RPGRIP1L: variants seen among roughly 807,000 people sequenced by gnomAD.
RPGRIP1L encodes protein fantom.
In RPGRIP1L, 131 loss-of-function variants were observed where a neutral mutation model predicts 160.4. The observed-to-expected ratio is 0.82, with a 90% CI of 0.71 to 0.94. RPGRIP1L has a LOEUF of 0.94. RPGRIP1L is among the 40% of genes least tolerant of loss of function. The probability of loss-of-function intolerance (pLI) is 0.00; values close to 1 mark genes in which losing one functional copy is unlikely to be tolerated. For synonymous variants in RPGRIP1L, 510 were observed against 515.8 expected (o/e 0.99, Z 0.15); for missense variants, 1,522 against 1,535.8 (o/e 0.99, Z 0.15).
At chr16:53,638,529 CAT>C (rs1411507363) in intron 19 of RPGRIP1L, 118 bp from the exon 20 acceptor site, 2 of 583,020 alleles carry the variant, frequency 3.4e-6, no homozygotes, top group African/African-American at 1.9e-5. Flanking sequence ...AACAGTTACT[CAT>C]ATGACACTGA....
intron 22 of RPGRIP1L, among the ~76,000 whole-genome samples, chr16:53,625,044 A>T (rs975832891): frequency 2.6e-5 from 4 of 152,080 alleles, no homozygotes; most frequent in Non-Finnish European, 5.9e-5. Flanking sequence ...GGGATTGCAG[A>T]CGGAGTCTCG....
At chr16:53,694,672 A>C (rs1268928539) in intron 3 of RPGRIP1L, 2 of 151,798 alleles carry the variant, frequency 1.3e-5, no homozygotes, top group Admixed American at 6.6e-5. Flanking sequence ...CACCATGCCC[A>C]GCTAATTTTT....
intron 13 of RPGRIP1L, among the ~76,000 whole-genome samples, chr16:53,657,059 G>A (rs571175620): frequency 1.4e-4 from 21 of 152,182 alleles, no homozygotes; most frequent in African/African-American, 4.6e-4. Flanking sequence ...TGGCTAACAT[G>A]GTGAATCCCC....
chr16:53,699,817 C>CAAAA (rs71146704), intron 2 of RPGRIP1L, among the ~76,000 whole-genome samples: 1 of 94,610 alleles, frequency 1.1e-5, no homozygotes, highest in Non-Finnish European at 2.3e-5. Context: ...GACTTCGTCT[C>CAAAA]AAAAAAAAAA....
In RPGRIP1L at chr16:53,683,936, A is replaced by G. The variant is rs532752120; in HGVS notation, c.776+2497T>C. Among the ~76,000 whole-genome samples, 7 of 152,322 alleles carry G rather than the reference A, an allele frequency of 4.6e-5. No homozygotes were observed. In the East Asian group the frequency reaches 1.4e-3, roughly 29 times the overall value. On this transcript the variant is annotated intron_variant, in intron 6 of 26. Transcript: ENST00000647211. ...CTGGAAGAACTGGCTAGCCATATGC[A>G]GAAAATTGAAAACGGGCCCCTTTCT...
Position 53,640,966 on chromosome 16 carries a change from A to G in RPGRIP1L, c.2958+67T>C, listed in dbSNP as rs1041477768. 2.4e-5 allele frequency: 26 copies of G among 1,077,378 alleles called. No homozygotes were observed. The African/African-American group carries it at 3.5e-4, about 14-fold the overall frequency. 66.7% of individuals were successfully genotyped at this position (1,077,378 alleles called of 1,614,324 possible). ...CCATTTAAATCAGGTAGGGAATAAT[A>G]TGCCTATATAATTTATTTCAAATAT... is the stretch of plus-strand genomic sequence containing the variant. On this transcript the variant is annotated intron_variant, in intron 19 of 26. Coordinates refer to ENST00000647211, the MANE Select transcript of RPGRIP1L (RefSeq NM_015272.5).
In RPGRIP1L at chr16:53,696,484, T is replaced by C. The variant is rs150730294; in HGVS notation, c.86-189A>G. 2.8e-4 allele frequency among the ~76,000 whole-genome samples: 43 copies of C among 152,346 alleles called. 1 individual carries two copies. The highest frequency in any genetic ancestry group is 1.0e-3 in the African/African-American group (43 of 41,586). Reference sequence around the variant, plus strand: ...TTAAGGTGAGAATAAAAATCTTTGCTATTAATACTTTATATACAGTTTTAG... The same window carrying C: ...TTAAGGTGAGAATAAAAATCTTTGCCATTAATACTTTATATACAGTTTTAG... On this transcript the variant is annotated intron_variant, in intron 2 of 26. Coordinates refer to ENST00000647211, the MANE Select transcript of RPGRIP1L (RefSeq NM_015272.5).
chr16:53,622,382 T>G lies in RPGRIP1L; in HGVS notation c.3295-26A>C, dbSNP rs973933866. On this transcript the variant is annotated intron_variant, in intron 22 of 26. Transcript: ENST00000647211. ...CTGTCTCAAAAAAAAAAAAAAAATC[T>G]TAAGATTAAGAAGCACATTAAATGC... is the stretch of plus-strand genomic sequence containing the variant. 1.3e-5 allele frequency: 8 copies of G among 604,140 alleles called. No individual in the cohort carries two copies. The African/African-American group carries it at 1.5e-4, about 11-fold the overall frequency. The allele number at this position is 604,140 out of a possible 1,614,324, so 37.4% of individuals were successfully genotyped here. A position where few individuals can be genotyped will look rare whatever the true frequency, so the allele number is the denominator to read the frequency against.
chr16:53,642,433 G>GA (rs553105963), intron 17 of RPGRIP1L, among the ~76,000 whole-genome samples: 96 of 139,020 alleles, frequency 6.9e-4, no homozygotes, highest in Non-Finnish European at 6.9e-4. Flanking sequence ...TGGCTGGCTG[G>GA]AAAAAAAAAA....
At chr16:53,618,413 A>G (rs563222637) in intron 24 of RPGRIP1L, among the ~76,000 whole-genome samples, 122 of 152,352 alleles carry the variant, frequency 8.0e-4, no homozygotes, top group African/African-American at 2.8e-3. Flanking sequence ...TCTTTGAAAT[A>G]TCATATATTT....
intron 22 of RPGRIP1L, among the ~76,000 whole-genome samples, chr16:53,623,036 T>C (rs1241111893): frequency 1.3e-5 from 2 of 152,014 alleles, no homozygotes; most frequent in Non-Finnish European, 2.9e-5. Flanking sequence ...AAAAAACCAC[T>C]CAATGATTCA....
At chr16:53,660,046 T>C (rs77726929) in intron 10 of RPGRIP1L, among the ~76,000 whole-genome samples, 7,758 of 152,190 alleles carry the variant, frequency 0.051, 399 homozygotes, top group East Asian at 0.3. Context: ...ATTTAGAAGA[T>C]AGCAAATTCA....
intron 17 of RPGRIP1L, among the ~76,000 whole-genome samples, chr16:53,643,634 T>C (rs1158697107): frequency 1.3e-5 from 2 of 152,102 alleles, no homozygotes; most frequent in Non-Finnish European, 2.9e-5. Context: ...TGCTGACCTA[T>C]GGTTAAAAGT....
rs965006608 is a variant in RPGRIP1L at position 53,638,366 on chromosome 16, C to A, written c.3004G>T (p.Val1002Leu). Residue 1002 changes from valine to leucine, a missense_variant, in exon 20 of 27, where the codon GTA becomes TTA. By Grantham distance (32) the Val-to-Leu change is conservative (BLOSUM62 1). Transcript: ENST00000647211. ...PEDRKEISPEVEHIPEIEINM... is the reference protein window; with the variant it reads ...PEDRKEISPELEHIPEIEINM... ...ATTTCTATTTCTGGTATATGCTCTACCTCTGGTGAAATTTCCTTCCTATCT... is the reference window on the plus strand; with the variant it reads ...ATTTCTATTTCTGGTATATGCTCTAACTCTGGTGAAATTTCCTTCCTATCT... The A allele has an allele frequency of 3.1e-6, 5 of 1,600,266 alleles. No individual in the cohort carries two copies. The highest frequency in any genetic ancestry group is 4.3e-6 in the Non-Finnish European group (5 of 1,168,136).
At chr16:53,616,633 T>C (rs1157953562) in intron 24 of RPGRIP1L, among the ~76,000 whole-genome samples, 2 of 152,194 alleles carry the variant, frequency 1.3e-5, no homozygotes, top group African/African-American at 2.4e-5. Flanking sequence ...CTAAAAAAAG[T>C]ATAGTAAACA....
intron 4 of RPGRIP1L, 39 bp downstream of exon 4, chr16:53,692,027 T>TTTA: frequency 6.3e-7 from 1 of 1,585,246 alleles, no homozygotes; most frequent in Non-Finnish European, 8.7e-7. Flanking sequence ...AACAATCTAA[T>TTTA]AAGACTTCAG....
chr16:53,692,417 C>G, intron 3 of RPGRIP1L, 53 bp from the exon 4 acceptor site: 1 of 1,532,046 alleles, frequency 6.5e-7, no homozygotes, highest in East Asian at 2.2e-5. Flanking sequence ...GCATAAAATC[C>G]ATTCTGTTGA....
chr16:53,607,764 TA>T (rs1196553658), intron 25 of RPGRIP1L, among the ~76,000 whole-genome samples: 1 of 152,208 alleles, frequency 6.6e-6, no homozygotes, highest in East Asian at 1.9e-4. Context: ...TTTCTGGCTT[TA>T]AATTCTATAT....
At chr16:53,654,262 A>G (rs769058620) in intron 14 of RPGRIP1L, among the ~76,000 whole-genome samples, 7 of 152,184 alleles carry the variant, frequency 4.6e-5, no homozygotes, top group Admixed American at 2.6e-4. Context: ...CAGGGTGAAA[A>G]CAGGGCCTTC....
Sources: gnomAD v4.1 joint callset for allele counts (sites outside exome capture counted in the v4.1 genomes callset) on GRCh38, gnomAD v4.1.1 for gene constraint, MANE v1.5 for transcripts, NCBI Gene and HGNC (gene_info 2026-07-23, HGNC 2026-07-21) for gene names.